The following ITGB1 variants were observed in gnomAD, a reference collection of about 807,000 sequenced individuals.
ITGB1 encodes integrin beta-1.
Under a neutral mutation model 86.5 loss-of-function variants are expected in ITGB1, and 24 were observed. The observed-to-expected ratio is 0.28, with a 90% CI of 0.20 to 0.39. The LOEUF is 0.39. ITGB1 is among the 10% of genes least tolerant of loss of function. The pLI is 1.00. For synonymous variants in ITGB1, 323 were observed against 316.8 expected, an observed-to-expected ratio of 1.02 and a Z score of -0.21; for missense variants, 556 against 946.9, an observed-to-expected ratio of 0.59 and a Z score of 5.42.
intron 1 of ITGB1, among the ~76,000 whole-genome samples, chr10:32,946,587 A>C (rs2095031649): frequency 6.6e-6 from 1 of 151,966 alleles, no homozygotes; most frequent in African/African-American, 2.4e-5. Context: ...AGGAGGAAAA[A>C]CCTGACCATC....
intron 15 of ITGB1, 79 bp downstream of exon 15, chr10:32,908,289 T>C (rs747857517): frequency 7.7e-7 from 1 of 1,305,988 alleles, no homozygotes; most frequent in East Asian, 2.3e-5. Flanking sequence ...ATAATCAGCC[T>C]GACAGCTAAT....
Position 32,929,959 on chromosome 10 carries a change from A to C in ITGB1, c.239T>G (p.Ile80Arg). The change falls in exon 4 of 16, where the codon ATA becomes AGA. Residue 80 changes from isoleucine (I) to arginine (R), a missense_variant. Physicochemically the swap from Ile to Arg is moderately conservative, Grantham distance 97. Coordinates refer to ENST00000302278, the MANE Select transcript of ITGB1 (RefSeq NM_002211.4). ...ATCTTTGGAGCCTCTGGGATTTTCTATGTCATCTGGAGGGCAACCCTTCTT... is the reference window on the plus strand; with the variant it reads ...ATCTTTGGAGCCTCTGGGATTTTCTCTGTCATCTGGAGGGCAACCCTTCTT... ...LKKKGCPPDD[I>R]ENPRGSKDIK... 7.1e-7 allele frequency: 1 copy of C among 1,405,202 alleles called. No homozygotes were observed. The highest frequency in any genetic ancestry group is 1.0e-6 in the Non-Finnish European group (1 of 988,964). 87.0% of individuals were successfully genotyped at this position (1,405,202 alleles called of 1,614,324 possible).
rs576715637 is a variant in ITGB1, at chr10:32,937,698, A to C, written c.1-2140T>G. ...ATACTAATAGTTTCATATAATCTGAAGATAACAAAGAGTTATATGCACAAT... is the reference window on the plus strand; with the variant it reads ...ATACTAATAGTTTCATATAATCTGACGATAACAAAGAGTTATATGCACAAT... On this transcript the variant is annotated intron_variant, in intron 1 of 15. Coordinates refer to ENST00000302278, the MANE Select transcript of ITGB1 (RefSeq NM_002211.4). 3.3e-5 allele frequency among the ~76,000 whole-genome samples: 5 copies of C among 152,304 alleles called. No homozygotes were observed. In the South Asian group the frequency reaches 1.0e-3, roughly 32 times the overall value.
chr10:32,943,867 T>C (rs1380672568), intron 1 of ITGB1, among the ~76,000 whole-genome samples: 1 of 152,196 alleles, frequency 6.6e-6, no homozygotes, highest in African/African-American at 2.4e-5. Context: ...ACTGAGTACC[T>C]GGGGGCTTGA....
intron 5 of ITGB1, among the ~76,000 whole-genome samples, chr10:32,927,525 C>T (rs2094968750): frequency 6.6e-6 from 1 of 152,208 alleles, no homozygotes. Context: ...GGCATGGTGG[C>T]TCACGCCTGT....
intron 11 of ITGB1, among the ~76,000 whole-genome samples, chr10:32,917,886 C>T (rs888861610): frequency 3.9e-5 from 6 of 152,140 alleles, no homozygotes; most frequent in Admixed American, 2.6e-4. Flanking sequence ...TATAAAGACA[C>T]GTGCACACGT....
At position 32,956,760 on chromosome 10, in the gene ITGB1, T is replaced by C. The variant is rs369523802; in HGVS notation, c.-1+1385A>G. 3.9e-5 allele frequency among the ~76,000 whole-genome samples: 6 copies of C among 152,288 alleles called. No individual in the cohort carries two copies. The East Asian group carries it at 9.6e-4, about 24-fold the overall frequency. ...CCACCTAAGTTAACCATGTGGCATG[T>C]TGGCCCAAAGAAACCTTACCAATGA... is the stretch of plus-strand genomic sequence containing the variant. On this transcript the variant is annotated intron_variant, in intron 1 of 15. Coordinates refer to ENST00000302278, the MANE Select transcript of ITGB1 (RefSeq NM_002211.4).
At chr10:32,951,406 C>G (rs1040955795) in intron 1 of ITGB1, among the ~76,000 whole-genome samples, 16 of 151,702 alleles carry the variant, frequency 1.1e-4, no homozygotes, top group Non-Finnish European at 2.1e-4. Flanking sequence ...TGGTACAGCA[C>G]CACCACCACC....
chr10:32,910,150 A>T (rs1425980365), intron 14 of ITGB1, 73 bp downstream of exon 14: 1 of 1,108,678 alleles, frequency 9.0e-7, no homozygotes, highest in Non-Finnish European at 1.3e-6. Flanking sequence ...CTGTTTCTGG[A>T]TGTTAGGCCT....
chr10:32,903,499 A>C (rs1317017024), intron 15 of ITGB1, among the ~76,000 whole-genome samples: 1 of 152,150 alleles, frequency 6.6e-6, no homozygotes, highest in Non-Finnish European at 1.5e-5. Flanking sequence ...ATGAGGGAAA[A>C]ACATTAACAT....
chr10:32,927,212 T>C (rs1384038059), intron 5 of ITGB1, among the ~76,000 whole-genome samples: 1 of 152,230 alleles, frequency 6.6e-6, no homozygotes, highest in Non-Finnish European at 1.5e-5. Context: ...TTTTTAAATG[T>C]TTCCACTAAA....
At chr10:32,920,817 C>CAAAA (rs5784311) in intron 9 of ITGB1, among the ~76,000 whole-genome samples, 7 of 139,618 alleles carry the variant, frequency 5.0e-5, no homozygotes, top group South Asian at 2.4e-4. Context: ...CGCTAAAATA[C>CAAAA]AAAAAAAAAA....
intron 1 of ITGB1, chr10:32,951,604 T>C (rs1293957038): frequency 1.3e-5 from 2 of 152,180 alleles, no homozygotes; most frequent in Non-Finnish European, 2.9e-5. Flanking sequence ...TGATCCAAAA[T>C]GAGCAAAAAA....
rs1384892776 is a variant in ITGB1, at chr10:32,918,925, G to A, written c.1469+960C>T. Among the ~76,000 whole-genome samples, 6 of 152,180 alleles carry A rather than the reference G, an allele frequency of 3.9e-5. No homozygotes were observed. The East Asian group carries it at 1.2e-3, about 29-fold the overall frequency. On this transcript the variant is annotated intron_variant, in intron 11 of 15. Coordinates refer to ENST00000302278, the MANE Select transcript of ITGB1 (RefSeq NM_002211.4). ...CATGTGCAGACTTTTCAGGTTCCCTGTGTATTTTTAGAACACATAATGCTC... is the reference window on the plus strand; with the variant it reads ...CATGTGCAGACTTTTCAGGTTCCCTATGTATTTTTAGAACACATAATGCTC...
intron 1 of ITGB1, among the ~76,000 whole-genome samples, chr10:32,940,098 C>T (rs1024086038): frequency 4.6e-5 from 7 of 152,258 alleles, no homozygotes; most frequent in African/African-American, 1.4e-4. Flanking sequence ...GTAATCCCAG[C>T]GCTTTGGGAG....
intron 8 of ITGB1, 114 bp from the exon 9 acceptor site, chr10:32,922,460 CT>C (rs2137204819): frequency 1.2e-6 from 1 of 811,712 alleles, no homozygotes; most frequent in East Asian, 2.6e-5. Context: ...TCCTAACTAA[CT>C]TTAGGAGTCA....
chr10:32,923,500 C>T, intron 7 of ITGB1, 85 bp downstream of exon 7: 1 of 1,251,722 alleles, frequency 8.0e-7, no homozygotes, highest in Non-Finnish European at 1.1e-6. Context: ...CTGAGAAACC[C>T]CAAGCCAGTC....
At chr10:32,946,804 G>A (rs1475512603) in intron 1 of ITGB1, among the ~76,000 whole-genome samples, 1 of 140,498 alleles carries the variant, frequency 7.1e-6, no homozygotes, top group Non-Finnish European at 1.5e-5. Context: ...AAATTCATCA[G>A]TCTTTCAAGA....
At chr10:32,915,185 T>C (rs1258850770) in intron 11 of ITGB1, among the ~76,000 whole-genome samples, 13 of 152,202 alleles carry the variant, frequency 8.5e-5, no homozygotes, top group Admixed American at 8.5e-4. Context: ...GGGAAATTTA[T>C]AGCACTAAAT....
Sources: gnomAD v4.1 joint callset for allele counts (sites outside exome capture counted in the v4.1 genomes callset) on GRCh38, gnomAD v4.1.1 for gene constraint, MANE v1.5 for transcripts, NCBI Gene and HGNC (gene_info 2026-07-23, HGNC 2026-07-21) for gene names.